Variants in RPS11 observed in about 807,000 individuals in gnomAD.
RPS11 encodes the protein small ribosomal subunit protein uS17.
For missense variants in RPS11, 127 were observed against 211.4 expected (o/e 0.60, Z 2.48); for synonymous variants, 107 against 78.0 (o/e 1.37, Z -1.96).
chr19:49,499,632 C>T lies in RPS11; in HGVS notation c.474C>T (p.Phe158=). ...GCACCAAGAAGCAGTTCCAGAAGTT[C>T]TGAGGCTGGACATCGGCCCGCTCCC... ...AAGTKKQFQK[F] is the part of the protein sequence containing the mutation. The change falls in exon 5 of 5, where the codon TTC becomes TTT. Residue 158 remains phenylalanine (F), a synonymous_variant. Transcript: ENST00000270625. 3 of 1,613,288 alleles carry T rather than the reference C, an allele frequency of 1.9e-6. No individual in the cohort carries two copies. The highest frequency in any genetic ancestry group is 1.7e-6 in the Non-Finnish European group (2 of 1,179,640).
chr19:49,497,083 G>A (rs1241987513), intron 1 of RPS11, 111 bp from the exon 2 acceptor site: 1 of 1,331,434 alleles, frequency 7.5e-7, no homozygotes. Context: ...CCGGCGCTTT[G>A]CAAGTAAATG....
intron 4 of RPS11, chr19:49,498,328 T>C: frequency 2.2e-6 from 1 of 449,794 alleles, no homozygotes. Context: ...GAAGCTCATT[T>C]GTTTCATATA....
In RPS11 at chr19:49,497,743, A is replaced by G. The variant is rs1263592756; in HGVS notation, c.223+148A>G. On this transcript the variant is annotated intron_variant, in intron 3 of 4. Transcript: ENST00000270625. ...TTGGCAGATGATGTTTGTTTTCACG[A>G]TGGTCTTCAGATGCCCACGTGGGCA... 5 of 1,149,566 alleles carry G rather than the reference A, an allele frequency of 4.3e-6. No individual in the cohort carries two copies. The South Asian group carries it at 6.2e-5, about 14-fold the overall frequency. 71.2% of individuals were successfully genotyped at this position (1,149,566 alleles called of 1,614,324 possible).
In RPS11 at chr19:49,498,032, G is replaced by T. The variant is rs1180252122; in HGVS notation, c.339G>T (p.Leu113=). 2 of 1,612,620 alleles carry T rather than the reference G, an allele frequency of 1.2e-6. No individual in the cohort carries two copies. The highest frequency in any genetic ancestry group is 4.5e-5 in the East Asian group (2 of 44,872). ...EKRHKNMSVH[L]SPCFRDVQIG... is the part of the protein sequence containing the mutation. Reference sequence around the variant, plus strand: ...GCCACAAGAACATGTCTGTACACCTGTCCCCCTGCTTCAGGTGAGCGCAGT... The same window carrying T: ...GCCACAAGAACATGTCTGTACACCTTTCCCCCTGCTTCAGGTGAGCGCAGT... Residue 113 remains leucine (L), a synonymous_variant, in exon 4 of 5, where the codon CTG becomes CTT. Coordinates refer to ENST00000270625, the MANE Select transcript of RPS11 (RefSeq NM_001015.5).
intron 4 of RPS11, among the ~76,000 whole-genome samples, chr19:49,499,210 G>T (rs191748007): frequency 5.8e-4 from 88 of 152,288 alleles, no homozygotes; most frequent in African/African-American, 2.0e-3. Flanking sequence ...CTGCTGCTCT[G>T]CTGGGGAAGG....
At chr19:49,499,475 GC>G (rs781129591) in intron 4 of RPS11, 36 bp from the exon 5 acceptor site, 124 of 1,596,730 alleles carry the variant, frequency 7.8e-5, no homozygotes, top group Non-Finnish European at 1.0e-4. Context: ...TGCTGGGGTG[GC>G]CCCTCCTGAG....
At chr19:49,498,262 G>A in intron 4 of RPS11, 2 of 568,696 alleles carry the variant, frequency 3.5e-6, no homozygotes, top group Non-Finnish European at 3.1e-6. Flanking sequence ...CCAGATTTTG[G>A]AATGTTCTCG....
chr19:49,497,479 C>G, intron 2 of RPS11, 41 bp from the exon 3 acceptor site: 2 of 1,607,190 alleles, frequency 1.2e-6, no homozygotes, highest in South Asian at 1.1e-5. Context: ...TAAGGAACCG[C>G]CCGCCCAAGG....
Position 49,497,608 on chromosome 19 carries a change from G to A in RPS11, c.223+13G>A, listed in dbSNP as rs2079913291. 1 of 1,610,412 alleles carries A rather than the reference G, an allele frequency of 6.2e-7. No homozygotes were observed. Among genetic ancestry groups the A allele is most frequent in the Non-Finnish European group, 8.5e-7 (1 of 1,176,752 alleles). On this transcript the variant is annotated intron_variant, in intron 3 of 4. Transcript: ENST00000270625. ...CGGATCCTCTCTGGTAAGTGCGGGAGTTACTGGTGTCTGGGGCCTGAAATA... is the reference window on the plus strand; with the variant it reads ...CGGATCCTCTCTGGTAAGTGCGGGAATTACTGGTGTCTGGGGCCTGAAATA...
chr19:49,496,447 G>T lies in RPS11; in HGVS notation c.-10G>T. 1.2e-6 allele frequency: 2 copies of T among 1,611,948 alleles called. No individual in the cohort carries two copies. The highest frequency in any genetic ancestry group is 1.7e-6 in the Non-Finnish European group (2 of 1,179,182). ...TGCTGCCCCTTTCTTTTTTTCAGGCGGCCGGGAAGATGGCGGACATTCAGG... is the reference window on the plus strand; with the variant it reads ...TGCTGCCCCTTTCTTTTTTTCAGGCTGCCGGGAAGATGGCGGACATTCAGG... On this transcript the variant is annotated 5_prime_UTR_variant, in exon 1 of 5. Transcript: ENST00000270625.
At chr19:49,497,105 G>A in intron 1 of RPS11, 89 bp from the exon 2 acceptor site, 1 of 1,491,912 alleles carries the variant, frequency 6.7e-7, no homozygotes, top group Non-Finnish European at 9.2e-7. Context: ...AGAGCATGGG[G>A]TCTGGGAGGT....
At chr19:49,496,688 T>A (rs1339306482) in intron 1 of RPS11, among the ~76,000 whole-genome samples, 1 of 151,998 alleles carries the variant, frequency 6.6e-6, no homozygotes, top group Non-Finnish European at 1.5e-5. Context: ...GGCTCAAGCG[T>A]TTTAGGACTT....
At chr19:49,498,295 G>A in intron 4 of RPS11, 1 of 512,218 alleles carries the variant, frequency 2.0e-6, no homozygotes. Flanking sequence ...GATGTTTTGG[G>A]GATGTGACAT....
rs2079911501 is a variant in RPS11 at position 49,497,339 on chromosome 19, C to A, written c.147+14C>A. 3 of 1,613,766 alleles carry A rather than the reference C, an allele frequency of 1.9e-6. No individual in the cohort carries two copies. The highest frequency in any genetic ancestry group is 2.5e-6 in the Non-Finnish European group (3 of 1,179,906). On this transcript the variant is annotated intron_variant, in intron 2 of 4. Coordinates refer to ENST00000270625, the MANE Select transcript of RPS11 (RefSeq NM_001015.5). ...ACACCCAAGGAGGTGCGGGGAACCT[C>A]AGAAGAAAGAAGGGGAACCTGGCGT... is the stretch of plus-strand genomic sequence containing the variant.
intron 1 of RPS11, among the ~76,000 whole-genome samples, chr19:49,496,789 C>A (rs867442164): frequency 6.6e-6 from 1 of 152,006 alleles, no homozygotes; most frequent in Non-Finnish European, 1.5e-5. Context: ...AAGGGCTAAT[C>A]CAGGGAGCCT....
At chr19:49,499,382 C>A (rs1399316584) in intron 4 of RPS11, 130 bp from the exon 5 acceptor site, 1 of 955,544 alleles carries the variant, frequency 1.0e-6, no homozygotes, top group Non-Finnish European at 1.6e-6. Flanking sequence ...GTTGAATTGG[C>A]GAGTAGAGCT....
rs1332527814 is a variant in RPS11 at position 49,498,752 on chromosome 19, C to CCA, written c.353+717_353+718dup. Among the ~76,000 whole-genome samples the CCA allele has an allele frequency of 7.9e-5, 12 of 152,084 alleles. No homozygotes were observed. The South Asian group carries it at 2.1e-3, about 26-fold the overall frequency. ...GCGACAGAGTAAGACCCTGTCTCTC[C>CCA]CACACACACACAAATTCAGATTTTG... On this transcript the variant is annotated intron_variant, in intron 4 of 4. Coordinates refer to ENST00000270625, the MANE Select transcript of RPS11 (RefSeq NM_001015.5).
At chr19:49,499,183 A>G (rs148285733) in intron 4 of RPS11, among the ~76,000 whole-genome samples, 90 of 152,252 alleles carry the variant, frequency 5.9e-4, no homozygotes, top group African/African-American at 1.7e-3. Context: ...TGTGGTTGTC[A>G]GTGCTGCAGG....
intron 4 of RPS11, 76 bp from the exon 5 acceptor site, chr19:49,499,436 G>C (rs747325122): frequency 9.7e-5 from 149 of 1,529,908 alleles, no homozygotes; most frequent in Non-Finnish European, 1.3e-4. Flanking sequence ...CTTTAGCCTG[G>C]TGAAGGGGAG....
Sources: gnomAD v4.1 joint callset for allele counts (sites outside exome capture counted in the v4.1 genomes callset) on GRCh38, gnomAD v4.1.1 for gene constraint, MANE v1.5 for transcripts, NCBI Gene and HGNC (gene_info 2026-07-23, HGNC 2026-07-21) for gene names.